The following AGPAT3 variants were observed in gnomAD, a reference collection of about 807,000 sequenced individuals.
AGPAT3 encodes the protein 1-acyl-sn-glycerol-3-phosphate acyltransferase gamma.
A neutral mutation model predicts 47.3 loss-of-function variants in AGPAT3; 5 were observed. The ratio of observed to expected loss-of-function variants is 0.11; its 90% confidence interval spans 0.06 to 0.22. AGPAT3 has a LOEUF of 0.22. Ranked by LOEUF, AGPAT3 falls within the 10% of genes least tolerant of loss-of-function variation. AGPAT3 has a pLI of 1.00. For synonymous variants in AGPAT3, 212 were observed against 208.3 expected, an observed-to-expected ratio of 1.02 and a Z score of -0.15; for missense variants, 315 against 493.0, an observed-to-expected ratio of 0.64 and a Z score of 3.42.
At chr21:43,899,567 A>T (rs938301001) in intron 1 of AGPAT3, among the ~76,000 whole-genome samples, 1 of 152,012 alleles carries the variant, frequency 6.6e-6, no homozygotes, top group African/African-American at 2.4e-5. Flanking sequence ...TGCGTTGGGG[A>T]GGGCTGGCAG....
At chr21:43,937,250 T>C (rs979053502) in intron 2 of AGPAT3, among the ~76,000 whole-genome samples, 5 of 152,168 alleles carry the variant, frequency 3.3e-5, no homozygotes, top group Admixed American at 3.3e-4. Flanking sequence ...AGATAAGAAG[T>C]TGGTCCCTAG....
At position 43,954,995 on chromosome 21, in the gene AGPAT3, G is replaced by C. The variant is rs2088373293; in HGVS notation, c.-48-4639G>C. 8.9e-7 allele frequency: 1 copy of C among 1,120,858 alleles called. No individual in the cohort carries two copies. The highest frequency in any genetic ancestry group is 1.1e-6 in the Non-Finnish European group (1 of 896,130). 69.4% of individuals were successfully genotyped at this position (1,120,858 alleles called of 1,614,324 possible). On this transcript the variant is annotated intron_variant, in intron 2 of 9. Transcript: ENST00000291572. The surrounding 1 kb of genome is among the most constrained non-coding windows in gnomAD (Gnocchi z 4.0). Reference sequence around the variant, plus strand: ...GACGGTTGATAAAGTGGATTCTCGAGGGGAAGCTGCATCCACACAGAGGCT... The same window carrying C: ...GACGGTTGATAAAGTGGATTCTCGACGGGAAGCTGCATCCACACAGAGGCT...
chr21:43,938,453 A>G (rs1234343783), intron 2 of AGPAT3, among the ~76,000 whole-genome samples: 3 of 150,612 alleles, frequency 2.0e-5, no homozygotes, highest in East Asian at 2.0e-4. Flanking sequence ...GATTACAGGC[A>G]TGCTAATTTT....
In AGPAT3 at chr21:43,984,789, G is replaced by GA; in HGVS notation, c.*2397_*2398insA. 5.4e-6 allele frequency: 1 copy of GA among 185,722 alleles called. No individual in the cohort carries two copies. Among genetic ancestry groups the GA allele is most frequent in the Non-Finnish European group, 1.1e-5 (1 of 88,316 alleles). 11.5% of individuals were successfully genotyped at this position (185,722 alleles called of 1,614,324 possible). A position where few individuals can be genotyped will look rare whatever the true frequency, so the allele number is the denominator to read the frequency against. On this transcript the variant is annotated 3_prime_UTR_variant, in exon 10 of 10. Coordinates refer to ENST00000291572, the MANE Select transcript of AGPAT3 (RefSeq NM_020132.5). Reference sequence around the variant, plus strand: ...AATTAAATTCATAAATCCCAGAACAGTCTTTTTTTTTTCTTTTTCCTTTAC... The same window carrying GA: ...AATTAAATTCATAAATCCCAGAACAGATCTTTTTTTTTTCTTTTTCCTTTAC...
chr21:43,964,274 C>T (rs1006036938), intron 3 of AGPAT3, among the ~76,000 whole-genome samples: 3 of 151,978 alleles, frequency 2.0e-5, no homozygotes, highest in African/African-American at 7.3e-5. Context: ...GATCCCAGCT[C>T]CTCAGGAGGC....
chr21:43,939,219 G>T lies in AGPAT3; in HGVS notation c.-48-20415G>T, dbSNP rs2087562338. Among the ~76,000 whole-genome samples, 1 of 152,116 alleles carries T rather than the reference G, an allele frequency of 6.6e-6. No individual in the cohort carries two copies. Among genetic ancestry groups the T allele is most frequent in the South Asian group, 2.1e-4 (1 of 4,828 alleles). ...CCCTGAGCGAGAATGCACTGGCCGG[G>T]CCTCCAGGGGGCGCTCCCTTAGGAA... On this transcript the variant is annotated intron_variant, in intron 2 of 9. Transcript: ENST00000291572. The surrounding 1 kb of genome is among the most constrained non-coding windows in gnomAD (Gnocchi z 4.4).
chr21:43,944,787 A>G (rs2087809592), intron 2 of AGPAT3, among the ~76,000 whole-genome samples: 1 of 152,172 alleles, frequency 6.6e-6, no homozygotes, highest in African/African-American at 2.4e-5. Context: ...AGGTCAATAC[A>G]CCGTGCCAGG....
chr21:43,927,981 G>A (rs901290339), intron 2 of AGPAT3, among the ~76,000 whole-genome samples: 1 of 152,170 alleles, frequency 6.6e-6, no homozygotes, highest in Non-Finnish European at 1.5e-5. Flanking sequence ...TGTTGGTGTT[G>A]GAGGAGAACA....
chr21:43,932,342 G>A lies in AGPAT3; in HGVS notation c.-48-27292G>A, dbSNP rs1194851371. Among the ~76,000 whole-genome samples, 1 of 152,208 alleles carries A rather than the reference G, an allele frequency of 6.6e-6. No homozygotes were observed. Among genetic ancestry groups the A allele is most frequent in the Non-Finnish European group, 1.5e-5 (1 of 68,046 alleles). On this transcript the variant is annotated intron_variant, in intron 2 of 9. Transcript: ENST00000291572. The surrounding 1 kb of genome is among the most constrained non-coding windows in gnomAD (Gnocchi z 5.2). ...GACCTCCGTTTCCGATTCCTCGTGT[G>A]AGTGAGGTCGTGCAGGACTTGTCGT... is the stretch of plus-strand genomic sequence containing the variant.
chr21:43,974,301 C>T (rs1236403099), intron 7 of AGPAT3, among the ~76,000 whole-genome samples: 3 of 151,020 alleles, frequency 2.0e-5, no homozygotes, highest in Non-Finnish European at 4.4e-5. Flanking sequence ...ATTATATATT[C>T]GTGTGGGGTG....
chr21:43,901,320 TAAAAAA>T (rs34649071), intron 1 of AGPAT3, among the ~76,000 whole-genome samples: 4 of 129,040 alleles, frequency 3.1e-5, no homozygotes, highest in African/African-American at 8.6e-5. Context: ...GAAACTCTGT[TAAAAAA>T]AAAAAAAAAA....
rs773204898 is a variant in AGPAT3 at position 43,967,935 on chromosome 21, C to A, written c.179-11C>A. 4.3e-6 allele frequency: 7 copies of A among 1,612,424 alleles called. No homozygotes were observed. The highest frequency in any genetic ancestry group is 5.1e-6 in the Non-Finnish European group (6 of 1,178,832). On this transcript the variant is annotated splice_polypyrimidine_tract_variant and intron_variant, in intron 3 of 9. Transcript: ENST00000291572. Reference sequence around the variant, plus strand: ...GTCCTACCAGTGCCAACGCCCTCCCCCTGTCCGCAGAACTGGTCATGCTGC... The same window carrying A: ...GTCCTACCAGTGCCAACGCCCTCCCACTGTCCGCAGAACTGGTCATGCTGC...
At chr21:43,921,867 C>T (rs1238983928) in intron 2 of AGPAT3, among the ~76,000 whole-genome samples, 2 of 152,094 alleles carry the variant, frequency 1.3e-5, no homozygotes, top group Non-Finnish European at 2.9e-5. Context: ...GCCTCCCACC[C>T]CAAGCTGGGT....
chr21:43,969,299 C>A lies in AGPAT3; in HGVS notation c.510+20C>A. On this transcript the variant is annotated intron_variant, in intron 5 of 9. Transcript: ENST00000291572. Reference sequence around the variant, plus strand: ...ATGTGGGTGAGTGCGCGGAGCAGCCCGATACCCTGCATGCCTGGAGGAGGC... The same window carrying A: ...ATGTGGGTGAGTGCGCGGAGCAGCCAGATACCCTGCATGCCTGGAGGAGGC... 5 of 1,612,846 alleles carry A rather than the reference C, an allele frequency of 3.1e-6. No individual in the cohort carries two copies. Among genetic ancestry groups the A allele is most frequent in the Non-Finnish European group, 4.2e-6 (5 of 1,179,060 alleles).
intron 1 of AGPAT3, among the ~76,000 whole-genome samples, chr21:43,901,320 TAAAAA>T (rs34649071): frequency 1.9e-4 from 24 of 129,036 alleles, no homozygotes; most frequent in Admixed American, 4.8e-4. Flanking sequence ...GAAACTCTGT[TAAAAA>T]AAAAAAAAAA....
rs2087574854 is a variant in AGPAT3 at position 43,939,454 on chromosome 21, C to G, written c.-48-20180C>G. ...ATTGAGAGGTTTCAGGCTGGAGTGACATGGAGGGACGTGCCTGACTTCTGG... is the reference window on the plus strand; with the variant it reads ...ATTGAGAGGTTTCAGGCTGGAGTGAGATGGAGGGACGTGCCTGACTTCTGG... On this transcript the variant is annotated intron_variant, in intron 2 of 9. Transcript: ENST00000291572. The surrounding 1 kb of genome is among the most constrained non-coding windows in gnomAD (Gnocchi z 4.4). 6.6e-6 allele frequency among the ~76,000 whole-genome samples: 1 copy of G among 152,184 alleles called. No homozygotes were observed. Among genetic ancestry groups the G allele is most frequent in the South Asian group, 2.1e-4 (1 of 4,828 alleles).
chr21:43,956,146 C>T (rs954936858), intron 2 of AGPAT3, among the ~76,000 whole-genome samples: 27 of 152,108 alleles, frequency 1.8e-4, no homozygotes, highest in African/African-American at 5.8e-4. Context: ...GGCTGCAGGG[C>T]GGCCCCCACC....
In AGPAT3 at chr21:43,938,360, T is replaced by C. The variant is rs145740793; in HGVS notation, c.-48-21274T>C. 3.4e-3 allele frequency among the ~76,000 whole-genome samples: 505 copies of C among 150,218 alleles called. 5 individuals carry two copies. The highest frequency in any genetic ancestry group is 0.012 in the African/African-American group (485 of 40,528). On this transcript the variant is annotated intron_variant, in intron 2 of 9. Coordinates refer to ENST00000291572, the MANE Select transcript of AGPAT3 (RefSeq NM_020132.5). ...TTTTTTTGAGACAGAGTCTTGCTCT[T>C]GTTGCCCAGGCTGGAGTGCTCACTG...
At chr21:43,870,148 C>T (rs545009100) in intron 1 of AGPAT3, among the ~76,000 whole-genome samples, 1 of 152,326 alleles carries the variant, frequency 6.6e-6, no homozygotes, top group African/African-American at 2.4e-5. Flanking sequence ...GGACTCCCTG[C>T]CGTGGCTGGC....
Sources: gnomAD v4.1 joint callset for allele counts (sites outside exome capture counted in the v4.1 genomes callset) on GRCh38, gnomAD v4.1.1 for gene constraint, Gnocchi (gnomAD v3.1) non-coding constraint, MANE v1.5 for transcripts, NCBI Gene and HGNC (gene_info 2026-07-23, HGNC 2026-07-21) for gene names.